PRR12: variants seen among roughly 807,000 people sequenced by gnomAD.
PRR12 encodes proline-rich protein 12.
PRR12 carries 12 observed loss-of-function variants against 138.0 expected under a neutral mutation model. The ratio of observed to expected loss-of-function variants is 0.09; its 90% confidence interval spans 0.06 to 0.14. The LOEUF is 0.14. Among genes scored for constraint, PRR12 ranks in the 10% least tolerant of loss-of-function variants. PRR12 has a pLI of 1.00. For synonymous variants in PRR12, 1,567 were observed against 1,291.7 expected, an observed-to-expected ratio of 1.21 and a Z score of -4.57; for missense variants, 2,692 against 2,861.3, an observed-to-expected ratio of 0.94 and a Z score of 1.35.
Position 49,597,784 on chromosome 19 carries a change from A to G in PRR12, c.3449A>G (p.Asp1150Gly), listed in dbSNP as rs758719339. 6.3e-7 allele frequency: 1 copy of G among 1,585,642 alleles called. No homozygotes were observed. Among genetic ancestry groups the G allele is most frequent in the Non-Finnish European group, 8.6e-7 (1 of 1,166,270 alleles). ...TTCTGCCCACCCAACCCAGGACCCG[A>G]TGGCCCCCGGCGCCGTGGCCGCAAG... ...IDFCPPNPGP[D>G]GPRRRGRKPT... Residue 1150 changes from aspartate to glycine, a missense_variant, in exon 4 of 14, where the codon GAT becomes GGT. Around this residue, in one of 11 missense-constraint regions of PRR12, gnomAD observed 326 missense variants for 344.2 expected, o/e 0.95. Transcript: ENST00000418929. This position sits in a 1 kb window ranked among gnomAD's most constrained non-coding sequence, Gnocchi z 6.3.
At chr19:49,592,538 C>T (rs892405331) in intron 1 of PRR12, among the ~76,000 whole-genome samples, 8 of 152,054 alleles carry the variant, frequency 5.3e-5, no homozygotes, top group African/African-American at 1.9e-4. Flanking sequence ...GTGTGGCGCC[C>T]TCACACTTCA....
At position 49,596,255 on chromosome 19, in the gene PRR12, G is replaced by A. The variant is rs1182027998; in HGVS notation, c.1920G>A (p.Glu640=). 2.5e-6 allele frequency: 4 copies of A among 1,611,364 alleles called. No homozygotes were observed. Among genetic ancestry groups the A allele is most frequent in the Non-Finnish European group, 3.4e-6 (4 of 1,179,638 alleles). Residue 640 remains glutamate, a synonymous_variant, in exon 4 of 14, where the codon GAG becomes GAA. Transcript: ENST00000418929. The surrounding 1 kb of genome is among the most constrained non-coding windows in gnomAD (Gnocchi z 5.6). The part of the protein sequence containing the change: ...GPPAERTEDE[E]FLIQHLLQAP... The stretch of plus-strand genomic sequence containing the variant: ...CTGCGGAGCGCACAGAGGATGAGGA[G>A]TTCCTTATCCAGCACCTCTTGCAGG...
rs2080879852 is a variant in PRR12, at chr19:49,614,132, G to A, written c.4774-401G>A. Among the ~76,000 whole-genome samples, 1 of 152,060 alleles carries A rather than the reference G, an allele frequency of 6.6e-6. No homozygotes were observed. Among genetic ancestry groups the A allele is most frequent in the Non-Finnish European group, 1.5e-5 (1 of 68,004 alleles). ...CTCAAAAAAAGAAAAAGTAAAAAGA[G>A]AATTATGTGGGGGGACAGTCAGACC... On this transcript the variant is annotated intron_variant, in intron 6 of 13. Transcript: ENST00000418929. The surrounding 1 kb of genome is among the most constrained non-coding windows in gnomAD (Gnocchi z 5.0).
At chr19:49,618,581 T>C (rs888697384) in intron 9 of PRR12, among the ~76,000 whole-genome samples, 19 of 152,052 alleles carry the variant, frequency 1.2e-4, no homozygotes, top group African/African-American at 4.6e-4. Context: ...AGAGATGAGG[T>C]TTCACCATGT....
At chr19:49,602,002 C>A in intron 6 of PRR12, 84 bp downstream of exon 6, 8 of 1,491,514 alleles carry the variant, frequency 5.4e-6, no homozygotes, top group Non-Finnish European at 7.2e-6. Flanking sequence ...CAGGCTTGTG[C>A]TGAGACCTGC....
At chr19:49,624,199 G>T (rs1304008845) in intron 11 of PRR12, among the ~76,000 whole-genome samples, 1 of 147,120 alleles carries the variant, frequency 6.8e-6, no homozygotes, top group African/African-American at 2.5e-5. Context: ...GGATAGGATA[G>T]GTGGTTAGGA....
intron 6 of PRR12, among the ~76,000 whole-genome samples, chr19:49,612,441 G>T (rs1316587206): frequency 6.6e-6 from 1 of 152,072 alleles, no homozygotes; most frequent in Non-Finnish European, 1.5e-5. Flanking sequence ...GGGCAAGGCT[G>T]AAGTCAGGGT....
At position 49,614,215 on chromosome 19, in the gene PRR12, C is replaced by T. The variant is rs756397139; in HGVS notation, c.4774-318C>T. Among the ~76,000 whole-genome samples, 3 of 152,162 alleles carry T rather than the reference C, an allele frequency of 2.0e-5. No homozygotes were observed. Among genetic ancestry groups the T allele is most frequent in the South Asian group, 2.1e-4 (1 of 4,820 alleles). ...CCTGTCCAGCACAGTAAATAGCAGG[C>T]GGTGTTCAAAGATTGTCATTACTCT... On this transcript the variant is annotated intron_variant, in intron 6 of 13. Coordinates refer to ENST00000418929, the MANE Select transcript of PRR12 (RefSeq NM_020719.3). This position sits in a 1 kb window ranked among gnomAD's most constrained non-coding sequence, Gnocchi z 5.0.
Position 49,625,699 on chromosome 19 carries a change from GC to G in PRR12, c.*94del. Reference sequence around the variant, plus strand: ...CAGGAGCTAACACCTGGGCTCCATCGCCGGGGAAAGGGGGTCATGGGTCAGG... The same window carrying G: ...CAGGAGCTAACACCTGGGCTCCATCGCGGGGAAAGGGGGTCATGGGTCAGG... On this transcript the variant is annotated 3_prime_UTR_variant, in exon 14 of 14. Transcript: ENST00000418929. The surrounding 1 kb of genome is among the most constrained non-coding windows in gnomAD (Gnocchi z 5.5). 1 of 1,456,348 alleles carries G rather than the reference GC, an allele frequency of 6.9e-7. No homozygotes were observed. Among genetic ancestry groups the G allele is most frequent in the Middle Eastern group, 1.9e-4 (1 of 5,298 alleles). 90.2% of individuals were successfully genotyped at this position (1,456,348 alleles called of 1,614,324 possible).
Position 49,597,315 on chromosome 19 carries a change from T to A in PRR12, c.2980T>A (p.Cys994Ser). ...PPAYDPYGPY[C>S]PGRASGAGPE... Reference sequence around the variant, plus strand: ...TGCTTATGATCCCTATGGGCCCTACTGTCCTGGCCGGGCGTCGGGAGCCGG... The same window carrying A: ...TGCTTATGATCCCTATGGGCCCTACAGTCCTGGCCGGGCGTCGGGAGCCGG... Residue 994 changes from cysteine (C) to serine (S), a missense_variant, in exon 4 of 14, where the codon TGT (cysteine) becomes AGT (serine). By Grantham distance (112) the Cys-to-Ser change is moderately radical. Around this residue, in one of 11 missense-constraint regions of PRR12, gnomAD observed 840 missense variants for 689.8 expected, o/e 1.22. Coordinates refer to ENST00000418929, the MANE Select transcript of PRR12 (RefSeq NM_020719.3). The surrounding 1 kb of genome is among the most constrained non-coding windows in gnomAD (Gnocchi z 6.3). 6.4e-7 allele frequency: 1 copy of A among 1,553,602 alleles called. No individual in the cohort carries two copies. The highest frequency in any genetic ancestry group is 2.4e-5 in the East Asian group (1 of 41,694).
At chr19:49,593,914 C>T (rs1212750248) in intron 2 of PRR12, among the ~76,000 whole-genome samples, 3 of 152,104 alleles carry the variant, frequency 2.0e-5, no homozygotes, top group Non-Finnish European at 4.4e-5. Context: ...CTGATTGGTT[C>T]CCTCTTCCTA....
Position 49,591,299 on chromosome 19 carries a change from G to A in PRR12, c.-356G>A, listed in dbSNP as rs1049167677. ...CAGCGCCTGCACCCACCCCGGGGCC[G>A]CCCGGGACGCCCCCTCCCGAGCGCG... On this transcript the variant is annotated 5_prime_UTR_variant, in exon 1 of 14. Coordinates refer to ENST00000418929, the MANE Select transcript of PRR12 (RefSeq NM_020719.3). 4.0e-5 allele frequency among the ~76,000 whole-genome samples: 6 copies of A among 149,932 alleles called. No individual in the cohort carries two copies. Among genetic ancestry groups the A allele is most frequent in the African/African-American group, 1.5e-4 (6 of 40,732 alleles).
chr19:49,618,097 C>CAATA (rs1435642450), intron 9 of PRR12, among the ~76,000 whole-genome samples: 2 of 152,184 alleles, frequency 1.3e-5, no homozygotes, highest in East Asian at 3.8e-4. Context: ...AACTCGGTCT[C>CAATA]AATAAATGAA....
chr19:49,612,986 C>T (rs1316228136), intron 6 of PRR12, among the ~76,000 whole-genome samples: 2 of 151,878 alleles, frequency 1.3e-5, no homozygotes, highest in Non-Finnish European at 2.9e-5. Flanking sequence ...AGACATGTTC[C>T]TTCCAGGGAC....
Position 49,625,666 on chromosome 19 carries a change from C to T in PRR12, c.*59C>T, listed in dbSNP as rs565730169. The T allele has an allele frequency of 1.5e-4, 224 of 1,534,432 alleles. 2 individuals are homozygous for T. In the South Asian group the frequency reaches 2.4e-3, roughly 16 times the overall value. ...CATGAACCGAGAATTGGGACAGAAC[C>T]GTGTCCTCAGGAGCTAACACCTGGG... On this transcript the variant is annotated 3_prime_UTR_variant, in exon 14 of 14. Transcript: ENST00000418929. This position sits in a 1 kb window ranked among gnomAD's most constrained non-coding sequence, Gnocchi z 5.5.
chr19:49,623,586 C>G (rs1426833909), intron 11 of PRR12, among the ~76,000 whole-genome samples: 1 of 150,712 alleles, frequency 6.6e-6, no homozygotes, highest in African/African-American at 2.4e-5. Context: ...GAGCCAAGGT[C>G]GCGCCACTGC....
chr19:49,608,752 A>G (rs1010291861), intron 6 of PRR12, among the ~76,000 whole-genome samples: 1 of 152,032 alleles, frequency 6.6e-6, no homozygotes, highest in Non-Finnish European at 1.5e-5. Flanking sequence ...ACGTGGGAGA[A>G]TCACCTGAGC....
chr19:49,613,086 C>T (rs1246220791), intron 6 of PRR12, among the ~76,000 whole-genome samples: 1 of 151,792 alleles, frequency 6.6e-6, no homozygotes, highest in African/African-American at 2.4e-5. Context: ...CCTATAATCC[C>T]AGCACTTTGG....
intron 6 of PRR12, among the ~76,000 whole-genome samples, chr19:49,612,422 T>C (rs1184027302): frequency 6.6e-6 from 1 of 151,738 alleles, no homozygotes; most frequent in Non-Finnish European, 1.5e-5. Flanking sequence ...CTGGCCCTGT[T>C]TGGGGAACGG....
Sources: allele counts gnomAD v4.1 joint callset (sites outside exome capture counted in the v4.1 genomes callset), GRCh38; gene constraint gnomAD v4.1.1; regional missense constraint gnomAD v4.1.1; non-coding constraint Gnocchi (gnomAD v3.1); transcripts MANE v1.5; gene names NCBI Gene and HGNC (gene_info 2026-07-23, HGNC 2026-07-21).